Variants in NYNRIN observed in about 807,000 individuals in gnomAD.
NYNRIN encodes the protein NYN domain and retroviral integrase containing.
Under a neutral mutation model 146.6 loss-of-function variants are expected in NYNRIN, and 86 were observed. That is an observed-to-expected ratio of 0.59 (90% CI 0.49 to 0.70). NYNRIN has a LOEUF of 0.70. Among genes scored for constraint, NYNRIN ranks in the 30% least tolerant of loss-of-function variants. NYNRIN has a pLI of 0.00. For synonymous variants in NYNRIN, 1,027 were observed against 1,001.3 expected (o/e 1.03, Z -0.48); for missense variants, 2,191 against 2,377.7 (o/e 0.92, Z 1.63).
chr14:24,405,450 G>T (rs2042870602), intron 2 of NYNRIN, among the ~76,000 whole-genome samples: 1 of 152,166 alleles, frequency 6.6e-6, no homozygotes, highest in African/African-American at 2.4e-5. Context: ...CTATTCTTCT[G>T]TATCATCTTT....
rs199948000 is a variant in NYNRIN, at chr14:24,418,473, A to AC, written c.*1033dup. The AC allele has an allele frequency of 2.3e-4, 80 of 341,984 alleles. 3 individuals carry two copies. The highest frequency in any genetic ancestry group is 1.0e-3 in the Middle Eastern group (1 of 988). 21.2% of individuals were successfully genotyped at this position (341,984 alleles called of 1,614,324 possible). A position where few individuals can be genotyped will look rare whatever the true frequency, so the allele number is the denominator to read the frequency against. ...ATTGTGTGATTGCTTCATCTGTATCACCCCCCGAGTCCTGTGGACCTGCCT... is the reference window on the plus strand; with the variant it reads ...ATTGTGTGATTGCTTCATCTGTATCACCCCCCCGAGTCCTGTGGACCTGCCT... On this transcript the variant is annotated 3_prime_UTR_variant, in exon 9 of 9. Coordinates refer to ENST00000382554, the MANE Select transcript of NYNRIN (RefSeq NM_025081.3).
chr14:24,409,782 C>T lies in NYNRIN; in HGVS notation c.1988C>T (p.Pro663Leu), dbSNP rs200060308. 343 of 1,612,878 alleles carry T rather than the reference C, an allele frequency of 2.1e-4. 1 individual carries two copies. The Middle Eastern group carries it at 3.8e-3, about 18-fold the overall frequency. Residue 663 changes from proline (P) to leucine (L), a missense_variant, in exon 4 of 9, where the codon CCT (proline) becomes CTT (leucine). This residue lies in a region of NYNRIN where 895 missense variants were observed against 941.2 expected (regional missense o/e 0.95). Coordinates refer to ENST00000382554, the MANE Select transcript of NYNRIN (RefSeq NM_025081.3). Reference sequence around the variant, plus strand: ...AAAGCACCTGCAGCTTCCAAAGCACCTGCAGCTCCCAAAGTACCTGTGACC... The same window carrying T: ...AAAGCACCTGCAGCTTCCAAAGCACTTGCAGCTCCCAAAGTACCTGTGACC... ...VSKAPAASKA[P>L]AAPKVPVTPR... is the part of the protein sequence containing the mutation.
At position 24,418,863 on chromosome 14, in the gene NYNRIN, TGA is replaced by T. The variant is rs1253995825; in HGVS notation, c.*1420_*1421del. On this transcript the variant is annotated 3_prime_UTR_variant, in exon 9 of 9. Coordinates refer to ENST00000382554, the MANE Select transcript of NYNRIN (RefSeq NM_025081.3). ...TCACACAGCAAGTTCATGGCTGAGC[TGA>T]GACCAGGATTAAGCTTCCTGACTCC... is the stretch of plus-strand genomic sequence containing the variant. The T allele has an allele frequency of 6.6e-6, 1 of 152,298 alleles. No individual in the cohort carries two copies. The highest frequency in any genetic ancestry group is 2.4e-5 in the African/African-American group (1 of 41,452). The allele number at this position is 152,298 out of a possible 1,614,324, so 9.4% of individuals were successfully genotyped here.
rs1233901525 is a variant in NYNRIN, at chr14:24,409,522, G to A, written c.1728G>A (p.Met576Ile). The change falls in exon 4 of 9, where the codon ATG becomes ATA. Residue 576 changes from methionine (M) to isoleucine (I), a missense_variant. Transcript: ENST00000382554. The part of the protein sequence containing the change: ...AAPKLPTSRM[M>I]LAVHTEPAAP... ...CCAAACTGCCTACATCTCGAATGAT[G>A]CTGGCAGTGCACACAGAGCCTGCAG... The A allele has an allele frequency of 6.8e-6, 11 of 1,613,020 alleles. No individual in the cohort carries two copies. Among genetic ancestry groups the A allele is most frequent in the Non-Finnish European group, 9.3e-6 (11 of 1,179,502 alleles).
In NYNRIN at chr14:24,406,021, G is replaced by A. The variant is rs1043511158; in HGVS notation, c.199-1848G>A. 6.7e-4 allele frequency among the ~76,000 whole-genome samples: 102 copies of A among 151,804 alleles called. 1 individual carries two copies. Among genetic ancestry groups the A allele is most frequent in the African/African-American group, 2.3e-3 (97 of 41,386 alleles). On this transcript the variant is annotated intron_variant, in intron 2 of 8. Coordinates refer to ENST00000382554, the MANE Select transcript of NYNRIN (RefSeq NM_025081.3). ...TACTAAAAATACAAAAATTAGCCGG[G>A]CATGGTGGTGCACATCTGTAATCCC...
Position 24,409,889 on chromosome 14 carries a change from C to T in NYNRIN, c.2095C>T (p.Leu699Phe), listed in dbSNP as rs2042900469. 1.2e-6 allele frequency: 2 copies of T among 1,613,570 alleles called. No homozygotes were observed. Among genetic ancestry groups the T allele is most frequent in the Non-Finnish European group, 1.7e-6 (2 of 1,179,716 alleles). The part of the protein sequence containing the change: ...DAGPTLDVAR[L>F]LSEVQPTSRA... Reference sequence around the variant, plus strand: ...AGGGCCAACCTTGGATGTAGCCAGACTTCTGAGTGAGGTCCAGCCTACATC... The same window carrying T: ...AGGGCCAACCTTGGATGTAGCCAGATTTCTGAGTGAGGTCCAGCCTACATC... Residue 699 changes from leucine (L) to phenylalanine (F), a missense_variant, in exon 4 of 9, where the codon CTT (leucine) becomes TTT (phenylalanine). By Grantham distance (22) the Leu-to-Phe change is conservative. Coordinates refer to ENST00000382554, the MANE Select transcript of NYNRIN (RefSeq NM_025081.3).
chr14:24,405,067 A>G (rs1454264331), intron 2 of NYNRIN, among the ~76,000 whole-genome samples: 1 of 126,446 alleles, frequency 7.9e-6, no homozygotes. Context: ...AATGTGTGTG[A>G]ATGTGTGTGT....
intron 2 of NYNRIN, among the ~76,000 whole-genome samples, chr14:24,406,098 G>C (rs2042873557): frequency 1.3e-5 from 2 of 151,870 alleles, no homozygotes; most frequent in South Asian, 2.1e-4. Context: ...GGAGGCGGAG[G>C]CTGCCGTGAG....
Position 24,408,258 on chromosome 14 carries a change from T to C in NYNRIN, c.588T>C (p.Ala196=), listed in dbSNP as rs1217938298. 1.2e-6 allele frequency: 2 copies of C among 1,610,400 alleles called. No individual in the cohort carries two copies. Among genetic ancestry groups the C allele is most frequent in the Admixed American group, 3.3e-5 (2 of 59,980 alleles). Residue 196 remains alanine (A), a synonymous_variant, in exon 3 of 9, where the codon GCT becomes GCC. Coordinates refer to ENST00000382554, the MANE Select transcript of NYNRIN (RefSeq NM_025081.3). ...TGCTGCTGAGCCTGGTGCGGGATGC[T>C]GCGGGCAAGGAAGACATCATCGAGT... is the stretch of plus-strand genomic sequence containing the variant. ...QELLLSLVRD[A]AGKEDIIEWL... is the part of the protein sequence containing the mutation.
At position 24,408,079 on chromosome 14, in the gene NYNRIN, C is replaced by A. The variant is rs373561750; in HGVS notation, c.409C>A (p.Leu137Met). 27 of 1,613,488 alleles carry A rather than the reference C, an allele frequency of 1.7e-5. No individual in the cohort carries two copies. The African/African-American group carries it at 3.6e-4, about 22-fold the overall frequency. ...CATGACACAGAACTGGCTGGAGGAG[C>A]TGGTGGGGCGACTGCGCTGGGGCCC... ...FIMTQNWLEE[L>M]VGRLRWGPAP... Residue 137 changes from leucine (L) to methionine (M), a missense_variant, in exon 3 of 9, where the codon CTG becomes ATG. Physicochemically the swap from Leu to Met is conservative, Grantham distance 15 (BLOSUM62 2). Around this residue, in one of 3 missense-constraint regions of NYNRIN, gnomAD observed 895 missense variants for 941.2 expected, o/e 0.95. Transcript: ENST00000382554.
Position 24,415,151 on chromosome 14 carries a change from T to G in NYNRIN, c.3402T>G (p.His1134Gln). 1.9e-6 allele frequency: 3 copies of G among 1,605,980 alleles called. No individual in the cohort carries two copies. The highest frequency in any genetic ancestry group is 2.5e-6 in the Non-Finnish European group (3 of 1,178,972). ...CTGACTGGCAGTGGGACCAGGAGCA[T>G]GAGGAGGCCTTCCTGGCCCTGAAGC... ...QKPDWQWDQE[H>Q]EEAFLALKRA... Residue 1134 changes from histidine (H) to glutamine (Q), a missense_variant, in exon 9 of 9, where the codon CAT becomes CAG. Around this residue, in one of 3 missense-constraint regions of NYNRIN, gnomAD observed 1,291 missense variants for 1,417.0 expected, o/e 0.91. Transcript: ENST00000382554.
chr14:24,410,401 C>T (rs1002264299), intron 4 of NYNRIN, among the ~76,000 whole-genome samples, 193 bp downstream of exon 4: 9 of 152,228 alleles, frequency 5.9e-5, no homozygotes, highest in African/African-American at 2.2e-4. Context: ...CTCATAGCAG[C>T]CCTCAAGGGC....
At position 24,416,137 on chromosome 14, in the gene NYNRIN, C is replaced by T. The variant is rs1385312926; in HGVS notation, c.4388C>T (p.Pro1463Leu). Reference protein sequence around the residue: ...GQWWSLPKDVPAPTVSPHAMG... With the variant: ...GQWWSLPKDVLAPTVSPHAMG... Reference sequence around the variant, plus strand: ...TGGTGGAGTTTGCCAAAGGATGTGCCAGCCCCTACAGTGAGTCCCCATGCC... The same window carrying T: ...TGGTGGAGTTTGCCAAAGGATGTGCTAGCCCCTACAGTGAGTCCCCATGCC... Residue 1463 changes from proline (P) to leucine (L), a missense_variant, in exon 9 of 9, where the codon CCA (proline) becomes CTA (leucine). Pro to Leu is a moderately conservative substitution (Grantham distance 98, BLOSUM62 -3). Transcript: ENST00000382554. 1 of 1,613,864 alleles carries T rather than the reference C, an allele frequency of 6.2e-7. No individual in the cohort carries two copies. The highest frequency in any genetic ancestry group is 2.2e-5 in the East Asian group (1 of 44,890).
In NYNRIN at chr14:24,408,655, C is replaced by A; in HGVS notation, c.861C>A (p.Val287=). ...AATGAACTTGGGCTTCCTCCAGGGTCGGTTCCAACAACCAAGATGGTATGG... is the reference window on the plus strand; with the variant it reads ...AATGAACTTGGGCTTCCTCCAGGGTAGGTTCCAACAACCAAGATGGTATGG... ...PQEAANQLVR[V]GSNNQDGMDS... is the part of the protein sequence containing the mutation. The change falls in exon 4 of 9, where the codon GTC becomes GTA. Residue 287 remains valine (V), a synonymous_variant. Transcript: ENST00000382554. 6.3e-7 allele frequency: 1 copy of A among 1,595,782 alleles called. No individual in the cohort carries two copies. Among genetic ancestry groups the A allele is most frequent in the South Asian group, 1.1e-5 (1 of 87,794 alleles).
At position 24,409,724 on chromosome 14, in the gene NYNRIN, A is replaced by G; in HGVS notation, c.1930A>G (p.Lys644Glu). 1 of 1,607,064 alleles carries G rather than the reference A, an allele frequency of 6.2e-7. No individual in the cohort carries two copies. The highest frequency in any genetic ancestry group is 8.5e-7 in the Non-Finnish European group (1 of 1,177,218). Residue 644 changes from lysine (K) to glutamate (E), a missense_variant, in exon 4 of 9, where the codon AAA becomes GAA. Physicochemically the swap from Lys to Glu is moderately conservative, Grantham distance 56 (BLOSUM62 1). This residue lies in a region of NYNRIN where 895 missense variants were observed against 941.2 expected (regional missense o/e 0.95). Coordinates refer to ENST00000382554, the MANE Select transcript of NYNRIN (RefSeq NM_025081.3). ...ATCACCTGCAGGTCCCAAAACACCC[A>G]AAGCTCAAGCCGGGCCTGCAGCTAC... The part of the protein sequence containing the change: ...KTSPAGPKTP[K>E]AQAGPAATVS...
chr14:24,409,152 C>T lies in NYNRIN; in HGVS notation c.1358C>T (p.Ser453Phe). 5 of 1,613,918 alleles carry T rather than the reference C, an allele frequency of 3.1e-6. No homozygotes were observed. The highest frequency in any genetic ancestry group is 4.2e-6 in the Non-Finnish European group (5 of 1,179,880). Residue 453 changes from serine to phenylalanine, a missense_variant, in exon 4 of 9, where the codon TCC (serine) becomes TTC (phenylalanine). Physicochemically the swap from Ser to Phe is radical, Grantham distance 155. This residue lies in a region of NYNRIN where 895 missense variants were observed against 941.2 expected (regional missense o/e 0.95). Coordinates refer to ENST00000382554, the MANE Select transcript of NYNRIN (RefSeq NM_025081.3). ...ALQNCPRPEI[S>F]PKVTSLLVVP... Reference sequence around the variant, plus strand: ...CAGAATTGCCCAAGGCCAGAGATTTCCCCAAAAGTTACGAGTTTATTGGTG... The same window carrying T: ...CAGAATTGCCCAAGGCCAGAGATTTTCCCAAAAGTTACGAGTTTATTGGTG...
Position 24,415,217 on chromosome 14 carries a change from C to T in NYNRIN, c.3468C>T (p.Ser1156=). ...VSALCLMAPN[S]QLPFRLEVTV... ...CCCTCTGCCTGATGGCCCCCAACTC[C>T]CAGCTGCCCTTCCGCCTGGAGGTGA... The change falls in exon 9 of 9, where the codon TCC becomes TCT. Residue 1156 remains serine, a synonymous_variant. Coordinates refer to ENST00000382554, the MANE Select transcript of NYNRIN (RefSeq NM_025081.3). 2 of 1,612,482 alleles carry T rather than the reference C, an allele frequency of 1.2e-6. No individual in the cohort carries two copies. Among genetic ancestry groups the T allele is most frequent in the Non-Finnish European group, 1.7e-6 (2 of 1,179,876 alleles).
In NYNRIN at chr14:24,416,478, G is replaced by C. The variant is rs1566488365; in HGVS notation, c.4729G>C (p.Glu1577Gln). Residue 1577 changes from glutamate to glutamine, a missense_variant, in exon 9 of 9, where the codon GAG becomes CAG. Transcript: ENST00000382554. ...RLLGWWPGMQ[E>Q]HVKDYCRSCL... ...GCTGGGGTGGTGGCCTGGGATGCAG[G>C]AGCATGTGAAAGATTACTGCAGGAG... 2 of 1,613,436 alleles carry C rather than the reference G, an allele frequency of 1.2e-6. No homozygotes were observed. Among genetic ancestry groups the C allele is most frequent in the African/African-American group, 1.3e-5 (1 of 75,034 alleles).
Position 24,407,924 on chromosome 14 carries a change from C to T in NYNRIN, c.254C>T (p.Pro85Leu), listed in dbSNP as rs2042884962. Residue 85 changes from proline (P) to leucine (L), a missense_variant, in exon 3 of 9, where the codon CCG becomes CTG. Coordinates refer to ENST00000382554, the MANE Select transcript of NYNRIN (RefSeq NM_025081.3). ...PELWKEVRYP[P>L]ILHCAFLGAQ... is the part of the protein sequence containing the mutation. ...CTGTGGAAAGAGGTTCGCTACCCACCGATCCTGCACTGTGCCTTCCTTGGG... is the reference window on the plus strand; with the variant it reads ...CTGTGGAAAGAGGTTCGCTACCCACTGATCCTGCACTGTGCCTTCCTTGGG... 4 of 1,613,812 alleles carry T rather than the reference C, an allele frequency of 2.5e-6. No individual in the cohort carries two copies. The highest frequency in any genetic ancestry group is 1.3e-5 in the African/African-American group (1 of 75,050).
Sources: gnomAD v4.1 joint callset for allele counts (sites outside exome capture counted in the v4.1 genomes callset) on GRCh38, gnomAD v4.1.1 for gene constraint, gnomAD v4.1.1 regional missense constraint, MANE v1.5 for transcripts, NCBI Gene and HGNC (gene_info 2026-07-23, HGNC 2026-07-21) for gene names.